The following PHEX variants were observed in gnomAD, a reference collection of about 807,000 sequenced individuals.
The protein encoded by PHEX is phosphate-regulating neutral endopeptidase PHEX.
In PHEX, 16 loss-of-function variants were observed where a neutral mutation model predicts 68.0. The ratio of observed to expected loss-of-function variants is 0.24; its 90% CI spans 0.16 to 0.36. The LOEUF (loss-of-function observed/expected upper bound fraction) is 0.36. Among genes scored for constraint, PHEX ranks in the 10% least tolerant of loss-of-function variants. PHEX has a pLI of 1.00. For missense variants in PHEX, 480 were observed against 575.5 expected, an observed-to-expected ratio of 0.83 and a Z score of 1.70; for synonymous variants, 208 against 205.1, an observed-to-expected ratio of 1.01 and a Z score of -0.12.
chrX:22,191,032 T>A (rs1488120029), intron 15 of PHEX, among the ~76,000 whole-genome samples: 1 of 112,033 alleles, frequency 8.9e-6, no homozygotes, highest in Non-Finnish European at 1.9e-5. Context: ...TTTTTATTAT[T>A]TTTTAAAGAC....
chrX:22,058,017 C>A (rs1928194082), intron 3 of PHEX, among the ~76,000 whole-genome samples: 1 of 111,474 alleles, frequency 9.0e-6, no homozygotes, highest in Non-Finnish European at 1.9e-5. Context: ...GGAGGGGAAG[C>A]AAAATCATCA....
At chrX:22,052,424 C>T (rs374346280) in intron 3 of PHEX, among the ~76,000 whole-genome samples, 20 of 111,257 alleles carry the variant, frequency 1.8e-4, no homozygotes, top group African/African-American at 6.5e-4. Flanking sequence ...GACAGGGTTT[C>T]GCCATGTTTG....
intron 16 of PHEX, among the ~76,000 whole-genome samples, chrX:22,218,311 A>G (rs992256069): frequency 1.6e-4 from 18 of 111,284 alleles, no homozygotes; most frequent in Admixed American, 5.7e-4. Flanking sequence ...GCAAGTCCCA[A>G]GGCCAGTCCA....
chrX:22,093,792 CCGT>C (rs1930006931), intron 6 of PHEX, among the ~76,000 whole-genome samples, 188 bp from the exon 7 acceptor site: 1 of 112,063 alleles, frequency 8.9e-6, no homozygotes, highest in Non-Finnish European at 1.9e-5. Flanking sequence ...ACTCAAGTAG[CCGT>C]CACTCTTTTT....
chrX:22,195,594 CA>C (rs61581933), intron 15 of PHEX, among the ~76,000 whole-genome samples: 15,539 of 79,358 alleles, frequency 0.2, 3,182 homozygotes, highest in African/African-American at 0.57. Flanking sequence ...GACTCTGTCT[CA>C]AAAAAAAAAA....
chrX:22,122,224 C>T lies in PHEX; in HGVS notation c.1302+7638C>T, dbSNP rs1013052058. 1.1e-4 allele frequency among the ~76,000 whole-genome samples: 12 copies of T among 110,710 alleles called. No homozygotes were observed. In the Middle Eastern group the frequency reaches 0.019, roughly 171 times the overall value. On this transcript the variant is annotated intron_variant, in intron 11 of 21. Coordinates refer to ENST00000379374, the MANE Select transcript of PHEX (RefSeq NM_000444.6). ...CTCACAAAGGTTGTTCTCAGTAAAG[C>T]CACTGTACAGATAAAGACAATGGTC... is the stretch of plus-strand genomic sequence containing the variant.
chrX:22,126,103 C>G (rs768914504), intron 11 of PHEX, among the ~76,000 whole-genome samples: 42 of 111,907 alleles, frequency 3.8e-4, no homozygotes, highest in African/African-American at 1.1e-3. Context: ...CGTGAAAAAT[C>G]ATATCACATG....
intron 5 of PHEX, among the ~76,000 whole-genome samples, chrX:22,089,743 A>G (rs1402245806): frequency 8.9e-6 from 1 of 112,165 alleles, no homozygotes; most frequent in Non-Finnish European, 1.9e-5. Flanking sequence ...GTTTTAATTC[A>G]AGAATTTATA....
chrX:22,097,013 C>A lies in PHEX; in HGVS notation c.908C>A (p.Ser303Tyr), dbSNP rs767171186. 1 of 1,200,799 alleles carries A rather than the reference C, an allele frequency of 8.3e-7. No homozygotes were observed. The highest frequency in any genetic ancestry group is 1.1e-6 in the Non-Finnish European group (1 of 885,488). ...SEAMYNKMNI[S>Y]ELSAMIPQFD... ...GCCATGTACAACAAAATGAACATTT[C>A]TGAACTGAGTGCTATGATTCCCCAG... Residue 303 changes from serine (S) to tyrosine (Y), a missense_variant, in exon 8 of 22, where the codon TCT (serine) becomes TAT (tyrosine). Physicochemically the swap from Ser to Tyr is moderately radical, Grantham distance 144. Coordinates refer to ENST00000379374, the MANE Select transcript of PHEX (RefSeq NM_000444.6).
Position 22,032,759 on chromosome X carries a change from G to A in PHEX, c.-247G>A. On this transcript the variant is annotated 5_prime_UTR_variant, in exon 1 of 22. Transcript: ENST00000379374. ...TGCTGAGGGAGAGCACCAAGATAAA[G>A]CAACACTGTTTGTTTTGTCTAGTCA... 2.5e-6 allele frequency: 1 copy of A among 393,106 alleles called. No individual in the cohort carries two copies. The highest frequency in any genetic ancestry group is 4.5e-6 in the Non-Finnish European group (1 of 223,325). The allele number at this position is 393,106 out of a possible 1,213,427, so 32.4% of individuals were successfully genotyped here.
chrX:22,098,612 T>G (rs1930258607), intron 8 of PHEX, among the ~76,000 whole-genome samples: 1 of 98,454 alleles, frequency 1.0e-5, no homozygotes, highest in Non-Finnish European at 2.0e-5. Context: ...CATGGTGAAA[T>G]TCCACCTCTA....
intron 14 of PHEX, among the ~76,000 whole-genome samples, chrX:22,182,032 A>G (rs942417655): frequency 9.0e-6 from 1 of 111,103 alleles, no homozygotes; most frequent in African/African-American, 3.3e-5. Context: ...GGGTAATTTG[A>G]CTTCTTTCTT....
At chrX:22,219,217 C>A in intron 17 of PHEX, 114 bp downstream of exon 17, 2 of 559,431 alleles carry the variant, frequency 3.6e-6, no homozygotes, top group South Asian at 2.8e-5. Context: ...GAAGATTATC[C>A]AAAGCAATAT....
At chrX:22,198,194 T>C (rs751868607) in intron 15 of PHEX, among the ~76,000 whole-genome samples, 161 of 104,630 alleles carry the variant, frequency 1.5e-3, no homozygotes, top group African/African-American at 5.4e-3. Context: ...AAATTATATA[T>C]ACTTATATAT....
chrX:22,155,713 A>G (rs1932935741), intron 12 of PHEX, among the ~76,000 whole-genome samples: 1 of 112,231 alleles, frequency 8.9e-6, no homozygotes, highest in Admixed American at 9.5e-5. Context: ...ACAGCTAATT[A>G]TAGAATTATT....
intron 1 of PHEX, among the ~76,000 whole-genome samples, chrX:22,036,675 A>G (rs1316102727): frequency 4.5e-5 from 5 of 110,915 alleles, no homozygotes; most frequent in African/African-American, 1.6e-4. Flanking sequence ...CCACCCAGGC[A>G]TATTGGAATA....
At position 22,250,174 on chromosome X, in the gene PHEX, G is replaced by A. The variant is rs1352065665; in HGVS notation, c.*2221G>A. 8.9e-6 allele frequency: 1 copy of A among 112,293 alleles called. No individual in the cohort carries two copies. The highest frequency in any genetic ancestry group is 1.9e-5 in the Non-Finnish European group (1 of 53,303). The allele number at this position is 112,293 out of a possible 1,213,427, so 9.3% of individuals were successfully genotyped here. A position where few individuals can be genotyped will look rare whatever the true frequency, so the allele number is the denominator to read the frequency against. On this transcript the variant is annotated 3_prime_UTR_variant, in exon 22 of 22. Coordinates refer to ENST00000379374, the MANE Select transcript of PHEX (RefSeq NM_000444.6). ...TCATCACTACTAGCTAGAACAATGA[G>A]AAGGATTGAATTTCCAAATACATGC...
chrX:22,073,537 G>A (rs1417875238), intron 3 of PHEX, among the ~76,000 whole-genome samples: 1 of 109,498 alleles, frequency 9.1e-6, no homozygotes, highest in Non-Finnish European at 1.9e-5. Context: ...ATGGAGCATA[G>A]TGAGAAGAAA....
At chrX:22,234,874 A>G (rs1488375298) in intron 20 of PHEX, among the ~76,000 whole-genome samples, 1 of 110,747 alleles carries the variant, frequency 9.0e-6, no homozygotes, top group East Asian at 2.8e-4. Flanking sequence ...ATGAAACAAC[A>G]AAAAACTCTT....
Sources: gnomAD v4.1 joint callset for allele counts (sites outside exome capture counted in the v4.1 genomes callset) on GRCh38, gnomAD v4.1.1 for gene constraint, MANE v1.5 for transcripts, NCBI Gene and HGNC (gene_info 2026-07-23, HGNC 2026-07-21) for gene names.